Variants in ITGBL1 observed in about 807,000 individuals in gnomAD.
ITGBL1 encodes the protein integrin subunit beta like 1, also known as integrin beta-like protein 1.
Under a neutral mutation model 68.5 loss-of-function variants are expected in ITGBL1, and 51 were observed. The ratio of observed to expected loss-of-function variants is 0.74; its 90% CI spans 0.59 to 0.94. ITGBL1 has a LOEUF of 0.94. Among genes scored for constraint, ITGBL1 ranks in the 40% least tolerant of loss-of-function variants. The pLI, the probability that ITGBL1 is intolerant of heterozygous loss-of-function variation, is 0.00. For missense variants in ITGBL1, 649 were observed against 647.4 expected, an observed-to-expected ratio of 1.00 and a Z score of -0.03; for synonymous variants, 209 against 227.3, an observed-to-expected ratio of 0.92 and a Z score of 0.72.
chr13:101,709,449 G>A (rs1172066862), intron 9 of ITGBL1, among the ~76,000 whole-genome samples: 2 of 151,068 alleles, frequency 1.3e-5, no homozygotes, highest in East Asian at 3.9e-4. Flanking sequence ...GAGAGAAGTA[G>A]GAGAGAATAA....
At chr13:101,599,754 C>G (rs866039151) in intron 7 of ITGBL1, among the ~76,000 whole-genome samples, 29 of 152,142 alleles carry the variant, frequency 1.9e-4, no homozygotes, top group African/African-American at 6.3e-4. Flanking sequence ...TGTAGATATG[C>G]GGCATTATTT....
At position 101,715,567 on chromosome 13, in the gene ITGBL1, T is replaced by C; in HGVS notation, c.1398T>C (p.Asn466=). Reference sequence around the variant, plus strand: ...CCTATATGTATTTTATTGCAGGGAATGGAATATGTAGCTGTGGAAACTGTG... The same window carrying C: ...CCTATATGTATTTTATTGCAGGGAACGGAATATGTAGCTGTGGAAACTGTG... ...DKHDGLICTG[N]GICSCGNCEC... Residue 466 remains asparagine, a synonymous_variant, in exon 11 of 11, where the codon AAT becomes AAC. Transcript: ENST00000376180. The C allele has an allele frequency of 1.2e-6, 2 of 1,608,784 alleles. No homozygotes were observed. Among genetic ancestry groups the C allele is most frequent in the South Asian group, 2.2e-5 (2 of 90,966 alleles).
intron 6 of ITGBL1, among the ~76,000 whole-genome samples, chr13:101,590,913 G>GT (rs892482006): frequency 1.3e-5 from 2 of 151,296 alleles, no homozygotes; most frequent in Non-Finnish European, 2.9e-5. Flanking sequence ...TCTTTGTTTT[G>GT]TTTTTTTTGA....
At chr13:101,553,496 C>A (rs1353725106) in intron 2 of ITGBL1, among the ~76,000 whole-genome samples, 1 of 152,058 alleles carries the variant, frequency 6.6e-6, no homozygotes, top group African/African-American at 2.4e-5. Context: ...AAGACTGTAC[C>A]TTGAGTTTCT....
chr13:101,703,671 G>A (rs1006930443), intron 8 of ITGBL1, among the ~76,000 whole-genome samples: 1 of 152,190 alleles, frequency 6.6e-6, no homozygotes, highest in African/African-American at 2.4e-5. Flanking sequence ...CTGGATGAGG[G>A]CAGTAAGGGA....
At chr13:101,479,109 A>G (rs2139033838) in intron 2 of ITGBL1, among the ~76,000 whole-genome samples, 1 of 152,198 alleles carries the variant, frequency 6.6e-6, no homozygotes, top group East Asian at 1.9e-4. Flanking sequence ...ATAAAAACAG[A>G]CATATAGACT....
At chr13:101,702,223 A>T (rs2034152451) in intron 8 of ITGBL1, among the ~76,000 whole-genome samples, 1 of 152,090 alleles carries the variant, frequency 6.6e-6, no homozygotes, top group Non-Finnish European at 1.5e-5. Context: ...CTTAATTTTC[A>T]TATTGAACAT....
intron 2 of ITGBL1, among the ~76,000 whole-genome samples, chr13:101,534,993 G>A (rs770557137): frequency 1.3e-5 from 2 of 152,078 alleles, no homozygotes; most frequent in Non-Finnish European, 2.9e-5. Flanking sequence ...CCATGCTTAT[G>A]GCCTTCATTC....
At chr13:101,619,939 A>G (rs1192381982) in intron 7 of ITGBL1, among the ~76,000 whole-genome samples, 1 of 152,158 alleles carries the variant, frequency 6.6e-6, no homozygotes, top group Admixed American at 6.6e-5. Context: ...GCACAACTTT[A>G]TAGCTTACTC....
chr13:101,706,045 T>G (rs1001759366), intron 8 of ITGBL1, among the ~76,000 whole-genome samples: 28 of 152,278 alleles, frequency 1.8e-4, no homozygotes, highest in African/African-American at 6.3e-4. Context: ...AATCTAATGG[T>G]GTGTTGGTGG....
At chr13:101,561,530 A>G (rs1390862426) in intron 2 of ITGBL1, among the ~76,000 whole-genome samples, 1 of 152,170 alleles carries the variant, frequency 6.6e-6, no homozygotes, top group Non-Finnish European at 1.5e-5. Flanking sequence ...TCACACAAAA[A>G]CAAAGAGGTG....
chr13:101,643,952 C>T (rs888424828), intron 7 of ITGBL1, among the ~76,000 whole-genome samples: 2 of 152,136 alleles, frequency 1.3e-5, no homozygotes. Context: ...TCCAGAGTGG[C>T]CCACACAACG....
At chr13:101,533,908 A>G (rs987937001) in intron 2 of ITGBL1, among the ~76,000 whole-genome samples, 1 of 152,226 alleles carries the variant, frequency 6.6e-6, no homozygotes, top group African/African-American at 2.4e-5. Flanking sequence ...ATAATGTTAA[A>G]TTAGTAAAGT....
chr13:101,463,905 C>CTT (rs200070869), intron 2 of ITGBL1, among the ~76,000 whole-genome samples: 7 of 127,436 alleles, frequency 5.5e-5, no homozygotes, highest in Non-Finnish European at 5.0e-5. Flanking sequence ...CATTCTAGTT[C>CTT]TTTTTTTTTT....
downstream of ITGBL1, chr13:101,717,131 T>C (rs1286653557): frequency 2.0e-5 from 3 of 152,170 alleles, no homozygotes; most frequent in Non-Finnish European, 4.4e-5. Flanking sequence ...ATTTTAATGA[T>C]GTAAATATTC....
intron 7 of ITGBL1, among the ~76,000 whole-genome samples, chr13:101,648,375 C>A (rs568016224): frequency 6.6e-6 from 1 of 152,054 alleles, no homozygotes; most frequent in Non-Finnish European, 1.5e-5. Context: ...TAACTAAGAT[C>A]GAGAACTCAA....
At chr13:101,563,268 A>T (rs927960919) in intron 2 of ITGBL1, among the ~76,000 whole-genome samples, 2 of 151,458 alleles carry the variant, frequency 1.3e-5, no homozygotes, top group African/African-American at 2.4e-5. Flanking sequence ...TTAAATCCAA[A>T]AACAGGAGAA....
intron 7 of ITGBL1, among the ~76,000 whole-genome samples, chr13:101,686,800 G>A (rs74599258): frequency 0.023 from 3,428 of 152,008 alleles, 53 homozygotes; most frequent in Non-Finnish European, 0.033. Context: ...CCAGAGCAGA[G>A]TTTTATTTCC....
At chr13:101,626,966 G>C (rs1352946501) in intron 7 of ITGBL1, among the ~76,000 whole-genome samples, 1 of 152,290 alleles carries the variant, frequency 6.6e-6, no homozygotes, top group East Asian at 1.9e-4. Flanking sequence ...GAAGATCTGA[G>C]TGAAATCCTG....
Sources: gnomAD v4.1 joint callset for allele counts (sites outside exome capture counted in the v4.1 genomes callset) on GRCh38, gnomAD v4.1.1 for gene constraint, MANE v1.5 for transcripts, NCBI Gene and HGNC (gene_info 2026-07-23, HGNC 2026-07-21) for gene names.